SNX10: variants seen among roughly 807,000 people sequenced by gnomAD.
SNX10 encodes sorting nexin 10, also known as sorting nexin-10.
Under a neutral mutation model 28.5 loss-of-function variants are expected in SNX10, and 25 were observed. That is an observed-to-expected ratio of 0.88 (90% CI 0.64 to 1.22). The LOEUF is 1.22. SNX10 is among the 50% of genes most tolerant of loss of function. SNX10 has a pLI of 0.00. For missense variants in SNX10, 223 were observed against 242.6 expected (o/e 0.92, Z 0.54); for synonymous variants, 62 against 81.4 (o/e 0.76, Z 1.28).
intron 1 of SNX10, among the ~76,000 whole-genome samples, chr7:26,328,348 G>A (rs1258300542): frequency 6.6e-6 from 1 of 152,156 alleles, no homozygotes; most frequent in Non-Finnish European, 1.5e-5. Flanking sequence ...AATTGTCTAG[G>A]GTGTGGATGG....
At chr7:26,360,779 A>G (rs1584169176) in intron 2 of SNX10, 196 bp from the exon 3 acceptor site, 1 of 979,546 alleles carries the variant, frequency 1.0e-6, no homozygotes, top group Admixed American at 6.2e-5. Flanking sequence ...AAATTCCATT[A>G]TGTGGCAAAA....
chr7:26,349,779 T>C (rs973556752), intron 2 of SNX10, among the ~76,000 whole-genome samples: 1 of 152,254 alleles, frequency 6.6e-6, no homozygotes, highest in Non-Finnish European at 1.5e-5. Context: ...TAGGCATTTT[T>C]ATTCTTTTTA....
intron 1 of SNX10, among the ~76,000 whole-genome samples, chr7:26,346,218 A>C (rs994769469): frequency 2.6e-5 from 4 of 151,688 alleles, no homozygotes. Flanking sequence ...TGGGGTCCAG[A>C]CTCCTAACCC....
At chr7:26,361,848 A>T (rs892518899) in intron 3 of SNX10, among the ~76,000 whole-genome samples, 22 of 152,232 alleles carry the variant, frequency 1.4e-4, no homozygotes, top group African/African-American at 5.1e-4. Context: ...CTCAGGCTGT[A>T]GTTTATTGGC....
intron 3 of SNX10, 21 bp downstream of exon 3, chr7:26,361,082 A>G: frequency 6.4e-7 from 1 of 1,568,990 alleles, no homozygotes; most frequent in Non-Finnish European, 8.6e-7. Context: ...AGTCAGTAGA[A>G]ATAGTAATTT....
In SNX10 at chr7:26,374,315, G is replaced by A. The variant is rs927853786; in HGVS notation, c.*1743G>A. On this transcript the variant is annotated 3_prime_UTR_variant, in exon 7 of 7. Coordinates refer to ENST00000338523, the MANE Select transcript of SNX10 (RefSeq NM_013322.3). Reference sequence around the variant, plus strand: ...TCACGAGATCATTTTTACATTAAACGTGAAAAAAAATCAACTTTGCCGGAT... The same window carrying A: ...TCACGAGATCATTTTTACATTAAACATGAAAAAAAATCAACTTTGCCGGAT... 2.0e-5 allele frequency: 3 copies of A among 151,748 alleles called. No individual in the cohort carries two copies. The highest frequency in any genetic ancestry group is 2.9e-5 in the Non-Finnish European group (2 of 67,848). The allele number at this position is 151,748 out of a possible 1,614,324, so 9.4% of individuals were successfully genotyped here. A position where few individuals can be genotyped will look rare whatever the true frequency, so the allele number is the denominator to read the frequency against.
intron 1 of SNX10, among the ~76,000 whole-genome samples, chr7:26,335,560 GC>G (rs1787894655): frequency 6.9e-6 from 1 of 145,030 alleles, no homozygotes; most frequent in East Asian, 1.9e-4. Context: ...CTGTAGATCT[GC>G]CCTAGGAGCA....
chr7:26,292,565 C>T (rs1363736665), intron 1 of SNX10, among the ~76,000 whole-genome samples: 1 of 151,926 alleles, frequency 6.6e-6, no homozygotes, highest in Non-Finnish European at 1.5e-5. Context: ...GGAGAAGGCC[C>T]AGGGGAAAAT....
chr7:26,372,336 C>T, intron 6 of SNX10, 155 bp from the exon 7 acceptor site: 3 of 643,382 alleles, frequency 4.7e-6, no homozygotes, highest in South Asian at 1.9e-5. Context: ...AAAAAAATAC[C>T]CAACTGCACT....
intron 1 of SNX10, among the ~76,000 whole-genome samples, chr7:26,302,832 T>C (rs934718212): frequency 1.8e-4 from 27 of 152,110 alleles, no homozygotes; most frequent in Non-Finnish European, 3.4e-4. Context: ...GTGGATCACC[T>C]GAGGCCCGGA....
chr7:26,333,194 T>G (rs1425585392), intron 1 of SNX10, among the ~76,000 whole-genome samples: 1 of 152,194 alleles, frequency 6.6e-6, no homozygotes, highest in Non-Finnish European at 1.5e-5. Context: ...TAAATTGTCT[T>G]CCAGTTCATG....
chr7:26,344,781 A>C (rs1788314642), intron 1 of SNX10, among the ~76,000 whole-genome samples: 1 of 152,120 alleles, frequency 6.6e-6, no homozygotes, highest in Admixed American at 6.5e-5. Context: ...TGTCTTTCCA[A>C]CCTAATCTCG....
At chr7:26,345,448 C>T (rs919725275) in intron 1 of SNX10, among the ~76,000 whole-genome samples, 1 of 152,166 alleles carries the variant, frequency 6.6e-6, no homozygotes, top group South Asian at 2.1e-4. Context: ...GAGGGACTCC[C>T]TTCCTCTTGG....
chr7:26,305,853 G>T (rs894244659), intron 1 of SNX10, among the ~76,000 whole-genome samples: 18 of 152,222 alleles, frequency 1.2e-4, no homozygotes, highest in Non-Finnish European at 5.9e-5. Flanking sequence ...AAGAGTTTAA[G>T]AATAATAACT....
chr7:26,348,179 C>T (rs779848563), intron 2 of SNX10, among the ~76,000 whole-genome samples: 1 of 152,184 alleles, frequency 6.6e-6, no homozygotes, highest in Non-Finnish European at 1.5e-5. Flanking sequence ...CAGTCAGTCC[C>T]CCTCACTTCC....
intron 2 of SNX10, among the ~76,000 whole-genome samples, chr7:26,352,064 C>T (rs1180480704): frequency 6.6e-6 from 1 of 152,034 alleles, no homozygotes; most frequent in Non-Finnish European, 1.5e-5. Context: ...ATAGGGGAAG[C>T]TGGGTGTGGG....
intron 1 of SNX10, among the ~76,000 whole-genome samples, chr7:26,323,962 C>T (rs1584117033): frequency 6.6e-6 from 1 of 152,092 alleles, no homozygotes; most frequent in East Asian, 1.9e-4. Flanking sequence ...AGAGGACTGC[C>T]GTGTTCATGA....
intron 1 of SNX10, among the ~76,000 whole-genome samples, chr7:26,294,999 C>A (rs550247051): frequency 6.6e-6 from 1 of 152,290 alleles, no homozygotes; most frequent in South Asian, 2.1e-4. Context: ...ATTTATTTTT[C>A]CCTAAGTAAC....
At chr7:26,314,741 T>G (rs1179309874) in intron 1 of SNX10, among the ~76,000 whole-genome samples, 1 of 152,234 alleles carries the variant, frequency 6.6e-6, no homozygotes, top group African/African-American at 2.4e-5. Flanking sequence ...GGCTCATGCC[T>G]GTAATCCCAG....
Sources: gnomAD v4.1 joint callset for allele counts (sites outside exome capture counted in the v4.1 genomes callset) on GRCh38, gnomAD v4.1.1 for gene constraint, MANE v1.5 for transcripts, NCBI Gene and HGNC (gene_info 2026-07-23, HGNC 2026-07-21) for gene names.